CTNND2: variants seen among roughly 807,000 people sequenced by gnomAD.
The protein encoded by CTNND2 is catenin delta-2.
A neutral mutation model predicts 144.4 loss-of-function variants in CTNND2; 22 were observed. That is an observed-to-expected ratio of 0.15 (90% confidence interval 0.11 to 0.22). The LOEUF (loss-of-function observed/expected upper bound fraction) is 0.22. Among genes scored for constraint, CTNND2 ranks in the 10% least tolerant of loss-of-function variants. The pLI is 1.00. For synonymous variants in CTNND2, 751 were observed against 695.6 expected (o/e 1.08, Z -1.25); for missense variants, 1,353 against 1,618.8 (o/e 0.84, Z 2.82).
intron 3 of CTNND2, among the ~76,000 whole-genome samples, chr5:11,551,432 C>CTTTTTTTTTTTTTTTTTTTTTT (rs70949326): frequency 9.9e-6 from 1 of 100,920 alleles, no homozygotes; most frequent in East Asian, 2.9e-4. Flanking sequence ...TTTCTTTTTT[C>CTTTTTTTTTTTTTTTTTTTTTT]TTTTTTTTTT....
intron 14 of CTNND2, among the ~76,000 whole-genome samples, chr5:11,109,423 A>G (rs1752730680): frequency 6.6e-6 from 1 of 152,218 alleles, no homozygotes; most frequent in African/African-American, 2.4e-5. Context: ...TTATAGCTAA[A>G]TTTGACATGC....
At chr5:11,025,335 T>A (rs527562887) in intron 16 of CTNND2, among the ~76,000 whole-genome samples, 34 of 151,824 alleles carry the variant, frequency 2.2e-4, no homozygotes, top group African/African-American at 7.8e-4. Flanking sequence ...GAAATTTAAA[T>A]CCTATCTTCA....
intron 2 of CTNND2, among the ~76,000 whole-genome samples, chr5:11,642,630 C>T (rs1782126888): frequency 6.6e-6 from 1 of 152,116 alleles, no homozygotes; most frequent in African/African-American, 2.4e-5. Context: ...AGGAAGCCCT[C>T]AAAGGAAGAA....
chr5:11,802,436 G>A lies in CTNND2; in HGVS notation c.38-70164C>T, dbSNP rs926479869. Among the ~76,000 whole-genome samples, 12 of 141,090 alleles carry A rather than the reference G, an allele frequency of 8.5e-5. No homozygotes were observed. In the South Asian group the frequency reaches 1.8e-3, roughly 21 times the overall value. 92.6% of individuals were successfully genotyped at this position (141,090 alleles called of 152,430 possible). The stretch of plus-strand genomic sequence containing the variant: ...TGCAAAATTAGCTGGGCGTGGTGGC[G>A]CATGCCTGTAATCCCAGCTACTCAG... On this transcript the variant is annotated intron_variant, in intron 1 of 21. Transcript: ENST00000304623.
At chr5:11,373,787 C>A (rs2149784919) in intron 7 of CTNND2, among the ~76,000 whole-genome samples, 1 of 152,228 alleles carries the variant, frequency 6.6e-6, no homozygotes, top group South Asian at 2.1e-4. Flanking sequence ...TCAGAATATC[C>A]CCAGAAATAT....
Position 11,346,510 on chromosome 5 carries a change from G to A in CTNND2, c.1490C>T (p.Ser497Phe). 2 of 1,606,658 alleles carry A rather than the reference G, an allele frequency of 1.2e-6. No individual in the cohort carries two copies. Among genetic ancestry groups the A allele is most frequent in the South Asian group, 1.1e-5 (1 of 89,532 alleles). Reference protein sequence around the residue: ...QRASYAAGPASNYADPYRQLQ... With the variant: ...QRASYAAGPAFNYADPYRQLQ... ...CTGTCGGTAGGGGTCCGCGTAATTGGAGGCTGGGCCGGCGGCATAGCTGGC... is the reference window on the plus strand; with the variant it reads ...CTGTCGGTAGGGGTCCGCGTAATTGAAGGCTGGGCCGGCGGCATAGCTGGC... Residue 497 changes from serine to phenylalanine, a missense_variant, in exon 9 of 22, where the codon TCC (serine) becomes TTC (phenylalanine). Transcript: ENST00000304623.
intron 17 of CTNND2, among the ~76,000 whole-genome samples, chr5:11,021,287 T>C (rs1466057033): frequency 6.6e-6 from 1 of 152,232 alleles, no homozygotes; most frequent in Admixed American, 6.5e-5. Flanking sequence ...GAAAATACTT[T>C]AATCTTTGAA....
intron 1 of CTNND2, among the ~76,000 whole-genome samples, chr5:11,902,050 A>C (rs772467844): frequency 1.3e-5 from 2 of 152,244 alleles, no homozygotes; most frequent in Non-Finnish European, 2.9e-5. Context: ...CACAGTATTC[A>C]ATCAACTTGA....
chr5:11,624,642 C>T (rs2126442482), intron 2 of CTNND2, among the ~76,000 whole-genome samples: 1 of 152,082 alleles, frequency 6.6e-6, no homozygotes, highest in South Asian at 2.1e-4. Flanking sequence ...GAAAAATTAA[C>T]TTTTATCAAG....
Position 11,364,807 on chromosome 5 carries a change from C to A in CTNND2, c.1261G>T (p.Asp421Tyr). 6.2e-7 allele frequency: 1 copy of A among 1,613,952 alleles called. No homozygotes were observed. The highest frequency in any genetic ancestry group is 1.1e-5 in the South Asian group (1 of 91,050). The change falls in exon 8 of 22, where the codon GAT (aspartate) becomes TAT (tyrosine). Residue 421 changes from aspartate (D) to tyrosine (Y), a missense_variant. By Grantham distance (160) the Asp-to-Tyr change is radical. This residue lies in a region of CTNND2 where 708 missense variants were observed against 706.4 expected (regional missense o/e 1.00). Transcript: ENST00000304623. ...TAGACGCGGTCTTCATAGATGGGATCTATGTGGTGTTCTGGGGACTGCAGG... is the reference window on the plus strand; with the variant it reads ...TAGACGCGGTCTTCATAGATGGGATATATGTGGTGTTCTGGGGACTGCAGG... ...RALQSPEHHI[D>Y]PIYEDRVYQK...
rs558394072 is a variant in CTNND2, at chr5:11,904,104, C to A, written c.-251G>T. ...CTCGGCGAGCGCAGCGCCCCCTGCCCGGCTCCGCGGGCTCCACGGGCTCCT... is the reference window on the plus strand; with the variant it reads ...CTCGGCGAGCGCAGCGCCCCCTGCCAGGCTCCGCGGGCTCCACGGGCTCCT... On this transcript the variant is annotated 5_prime_UTR_variant, in exon 1 of 22. Coordinates refer to ENST00000304623, the MANE Select transcript of CTNND2 (RefSeq NM_001332.4). This position sits in a 1 kb window ranked among gnomAD's most constrained non-coding sequence, Gnocchi z 4.2. The A allele has an allele frequency of 1.6e-3, 264 of 164,782 alleles. No individual in the cohort carries two copies. Among genetic ancestry groups the A allele is most frequent in the African/African-American group, 5.3e-3 (221 of 41,342 alleles). 10.2% of individuals were successfully genotyped at this position (164,782 alleles called of 1,614,324 possible). A position where few individuals can be genotyped will look rare whatever the true frequency, so the allele number is the denominator to read the frequency against.
chr5:11,329,782 C>T (rs1179509534), intron 9 of CTNND2, among the ~76,000 whole-genome samples: 2 of 152,142 alleles, frequency 1.3e-5, no homozygotes, highest in Non-Finnish European at 2.9e-5. Flanking sequence ...CAGCAAATGC[C>T]CGATTCTCAG....
intron 10 of CTNND2, among the ~76,000 whole-genome samples, chr5:11,208,842 CGAACATGATAGATAA>C (rs977982903): frequency 4.6e-5 from 7 of 152,148 alleles, no homozygotes; most frequent in African/African-American, 1.4e-4. Context: ...ATATTGGCTA[CGAACATGATAGATAA>C]GAAGTTTAGA....
intron 12 of CTNND2, among the ~76,000 whole-genome samples, chr5:11,151,376 T>A (rs1757745344): frequency 6.6e-6 from 1 of 152,214 alleles, no homozygotes; most frequent in East Asian, 1.9e-4. Flanking sequence ...TATGAAGGAT[T>A]TAAAGAATGA....
intron 8 of CTNND2, among the ~76,000 whole-genome samples, chr5:11,347,641 G>T (rs1754931674): frequency 6.6e-6 from 1 of 152,194 alleles, no homozygotes; most frequent in Admixed American, 6.5e-5. Flanking sequence ...CAGCCCACTT[G>T]CTTTCTGGTG....
At chr5:11,885,764 A>G (rs570270413) in intron 1 of CTNND2, among the ~76,000 whole-genome samples, 1 of 152,258 alleles carries the variant, frequency 6.6e-6, no homozygotes, top group East Asian at 1.9e-4. Context: ...TTCAGAACAG[A>G]CCGTATGTTA....
At chr5:11,900,843 A>C (rs1737793924) in intron 1 of CTNND2, among the ~76,000 whole-genome samples, 1 of 152,184 alleles carries the variant, frequency 6.6e-6, no homozygotes, top group African/African-American at 2.4e-5. Flanking sequence ...GTTTTTGTTC[A>C]TTGTCTGAAT....
chr5:11,777,904 T>G (rs1057074612), intron 1 of CTNND2, among the ~76,000 whole-genome samples: 25 of 152,160 alleles, frequency 1.6e-4, no homozygotes, highest in Non-Finnish European at 2.9e-4. Flanking sequence ...TTCCACAAAC[T>G]TTTAAGTTTT....
intron 2 of CTNND2, among the ~76,000 whole-genome samples, chr5:11,708,237 T>C (rs965178246): frequency 1.3e-5 from 2 of 149,090 alleles, no homozygotes; most frequent in African/African-American, 2.6e-5. Flanking sequence ...TAAACTTAAA[T>C]AGATTTATCA....
Sources: gnomAD v4.1 joint callset for allele counts (sites outside exome capture counted in the v4.1 genomes callset) on GRCh38, gnomAD v4.1.1 for gene constraint, gnomAD v4.1.1 regional missense constraint, Gnocchi (gnomAD v3.1) non-coding constraint, MANE v1.5 for transcripts, NCBI Gene and HGNC (gene_info 2026-07-23, HGNC 2026-07-21) for gene names.